The following SPATA17 variants were observed in gnomAD, a reference collection of about 807,000 sequenced individuals.
SPATA17 encodes spermatogenesis-associated protein 17.
A neutral mutation model predicts 62.2 loss-of-function variants in SPATA17; 53 were observed. The ratio of observed to expected loss-of-function variants is 0.85; its 90% CI spans 0.68 to 1.07. The LOEUF is 1.07. SPATA17 is among the 50% of genes least tolerant of loss of function. SPATA17 has a pLI of 0.00. For synonymous variants in SPATA17, 146 were observed against 146.8 expected, an observed-to-expected ratio of 0.99 and a Z score of 0.04; for missense variants, 466 against 425.5, an observed-to-expected ratio of 1.10 and a Z score of -0.84.
At chr1:217,788,643 T>A (rs1673922133) in intron 8 of SPATA17, among the ~76,000 whole-genome samples, 1 of 152,066 alleles carries the variant, frequency 6.6e-6, no homozygotes, top group African/African-American at 2.4e-5. Flanking sequence ...GCTTTAAAGA[T>A]GGGGCATGAG....
chr1:217,844,714 C>G (rs1258669022), intron 9 of SPATA17, among the ~76,000 whole-genome samples: 1 of 151,980 alleles, frequency 6.6e-6, no homozygotes, highest in Non-Finnish European at 1.5e-5. Flanking sequence ...TAAGCTAATC[C>G]CCATTAATAC....
At chr1:217,716,586 A>G (rs1672008970) in intron 5 of SPATA17, among the ~76,000 whole-genome samples, 1 of 152,242 alleles carries the variant, frequency 6.6e-6, no homozygotes, top group Non-Finnish European at 1.5e-5. Flanking sequence ...AAATAACATT[A>G]TAACTGAGTA....
Position 217,806,529 on chromosome 1 carries a change from G to A in SPATA17, c.1005+4679G>A, listed in dbSNP as rs563224874. On this transcript the variant is annotated intron_variant, in intron 9 of 10. Coordinates refer to ENST00000366933, the MANE Select transcript of SPATA17 (RefSeq NM_138796.4). ...GTAGAACCCAAGAAGTCCCACAATC[G>A]GCCTTAATTCTTTTCTGCTTTCTCT... 1.8e-4 allele frequency among the ~76,000 whole-genome samples: 28 copies of A among 152,210 alleles called. No homozygotes were observed. In the South Asian group the frequency reaches 2.9e-3, roughly 16 times the overall value.
At chr1:217,697,162 C>G (rs186058429) in intron 5 of SPATA17, among the ~76,000 whole-genome samples, 1 of 152,300 alleles carries the variant, frequency 6.6e-6, no homozygotes, top group East Asian at 1.9e-4. Flanking sequence ...GCATGTGCCA[C>G]CATGCTAATT....
intron 1 of SPATA17, among the ~76,000 whole-genome samples, chr1:217,640,437 T>C (rs1670035419): frequency 6.6e-6 from 1 of 152,098 alleles, no homozygotes; most frequent in South Asian, 2.1e-4. Context: ...ATAACAGCAA[T>C]GGACAATTAT....
At chr1:217,804,419 C>A (rs1017070802) in intron 9 of SPATA17, among the ~76,000 whole-genome samples, 8 of 152,094 alleles carry the variant, frequency 5.3e-5, no homozygotes, top group Admixed American at 1.3e-4. Flanking sequence ...TAGATTAAGA[C>A]CTGAAACTGT....
At chr1:217,681,056 G>A (rs1298059709) in intron 4 of SPATA17, among the ~76,000 whole-genome samples, 1 of 150,992 alleles carries the variant, frequency 6.6e-6, no homozygotes, top group Non-Finnish European at 1.5e-5. Flanking sequence ...GTGAAACCCC[G>A]TTTCTACTAA....
chr1:217,777,084 A>G (rs1262147187), intron 7 of SPATA17, among the ~76,000 whole-genome samples: 3 of 152,134 alleles, frequency 2.0e-5, no homozygotes, highest in South Asian at 4.1e-4. Flanking sequence ...TGCCTTTTAT[A>G]CCCTCAACCA....
intron 5 of SPATA17, among the ~76,000 whole-genome samples, chr1:217,696,768 A>T (rs1671470746): frequency 6.6e-6 from 1 of 152,146 alleles, no homozygotes; most frequent in Non-Finnish European, 1.5e-5. Flanking sequence ...CTAAAGGCAT[A>T]AATTGGCACA....
At chr1:217,755,675 GT>G (rs1673025164) in intron 6 of SPATA17, among the ~76,000 whole-genome samples, 1 of 151,630 alleles carries the variant, frequency 6.6e-6, no homozygotes, top group Non-Finnish European at 1.5e-5. Context: ...TATAATTTCT[GT>G]TTTAACATCC....
chr1:217,647,614 T>G (rs969015017), intron 1 of SPATA17, among the ~76,000 whole-genome samples: 19 of 152,240 alleles, frequency 1.2e-4, no homozygotes, highest in Non-Finnish European at 1.9e-4. Context: ...AATTGTAGTC[T>G]GGGAAGTCAG....
intron 9 of SPATA17, among the ~76,000 whole-genome samples, chr1:217,830,302 C>T (rs1424365737): frequency 6.6e-6 from 1 of 152,064 alleles, no homozygotes; most frequent in African/African-American, 2.4e-5. Context: ...CAAAGGAATC[C>T]AGTAGTATAT....
intron 3 of SPATA17, among the ~76,000 whole-genome samples, chr1:217,658,116 G>T (rs1346986832): frequency 6.6e-6 from 1 of 152,150 alleles, no homozygotes; most frequent in African/African-American, 2.4e-5. Flanking sequence ...TGAGATTTGG[G>T]TGGGGACACA....
intron 1 of SPATA17, among the ~76,000 whole-genome samples, chr1:217,635,280 TG>T (rs1558545762): frequency 6.6e-6 from 1 of 152,236 alleles, no homozygotes; most frequent in Non-Finnish European, 1.5e-5. Flanking sequence ...CCTGATGTCA[TG>T]TGCCCAAGGC....
At chr1:217,772,259 T>C (rs940203006) in intron 6 of SPATA17, among the ~76,000 whole-genome samples, 15 of 152,206 alleles carry the variant, frequency 9.9e-5, no homozygotes, top group African/African-American at 2.7e-4. Flanking sequence ...TTTACTGTTA[T>C]AGTGAGAACA....
chr1:217,732,726 C>T (rs895240392), intron 5 of SPATA17, among the ~76,000 whole-genome samples: 2 of 151,986 alleles, frequency 1.3e-5, no homozygotes, highest in African/African-American at 4.8e-5. Context: ...TAATATCTGC[C>T]CCCTACCAAC....
chr1:217,799,921 C>T (rs148747090), intron 8 of SPATA17, among the ~76,000 whole-genome samples: 387 of 151,764 alleles, frequency 2.6e-3, no homozygotes, highest in Non-Finnish European at 4.5e-3. Context: ...TTTTATTTTG[C>T]TATTTATAGT....
intron 2 of SPATA17, among the ~76,000 whole-genome samples, chr1:217,649,934 C>CTTTTT (rs771612819): frequency 1.2e-4 from 15 of 120,422 alleles, no homozygotes; most frequent in African/African-American, 2.5e-4. Context: ...AGGCTTCTCT[C>CTTTTT]TTTTTTTTTT....
rs1049947430 is a variant in SPATA17, at chr1:217,867,170, G to A, written c.*151G>A. 4 of 152,134 alleles carry A rather than the reference G, an allele frequency of 2.6e-5. No individual in the cohort carries two copies. The highest frequency in any genetic ancestry group is 9.7e-5 in the African/African-American group (4 of 41,426). 9.4% of individuals were successfully genotyped at this position (152,134 alleles called of 1,614,324 possible). On this transcript the variant is annotated 3_prime_UTR_variant, in exon 11 of 11. Transcript: ENST00000366933. ...GCTCTAGTCATGAATTAATTATTGT[G>A]TGTATGTATTTGAAATCTCTTAGAC...
Sources: gnomAD v4.1 joint callset for allele counts (sites outside exome capture counted in the v4.1 genomes callset) on GRCh38, gnomAD v4.1.1 for gene constraint, MANE v1.5 for transcripts, NCBI Gene and HGNC (gene_info 2026-07-23, HGNC 2026-07-21) for gene names.